Variants in EPN1 observed in about 807,000 individuals in gnomAD.
The protein encoded by EPN1 is epsin 1.
Under a neutral mutation model 56.9 loss-of-function variants are expected in EPN1, and 25 were observed. That is an observed-to-expected ratio of 0.44 (90% CI 0.32 to 0.61). The LOEUF is 0.61. EPN1 is among the 20% of genes least tolerant of loss of function. The pLI, the probability that EPN1 is intolerant of heterozygous loss-of-function variation, is 0.05. For missense variants in EPN1, 785 were observed against 823.7 expected (o/e 0.95, Z 0.58); for synonymous variants, 411 against 361.8 (o/e 1.14, Z -1.54).
chr19:55,691,466 C>T lies in EPN1; in HGVS notation c.763-288C>T, dbSNP rs1356387715. Among the ~76,000 whole-genome samples, 1 of 151,956 alleles carries T rather than the reference C, an allele frequency of 6.6e-6. No homozygotes were observed. The highest frequency in any genetic ancestry group is 1.5e-5 in the Non-Finnish European group (1 of 67,956). ...GGGAGCAGGTGGAGTTAAGGGGCTG[C>T]CCTGCTGCAGTGTGGAGAATGGATG... On this transcript the variant is annotated intron_variant, in intron 6 of 10. Coordinates refer to ENST00000270460, the MANE Select transcript of EPN1 (RefSeq NM_001130072.2). This position sits in a 1 kb window ranked among gnomAD's most constrained non-coding sequence, Gnocchi z 5.6.
chr19:55,693,114 C>A, intron 9 of EPN1, 77 bp downstream of exon 9: 2 of 1,422,186 alleles, frequency 1.4e-6, no homozygotes, highest in Non-Finnish European at 2.0e-6. Flanking sequence ...CCCTTGCTGT[C>A]TTTGTCCCAC....
Position 55,685,612 on chromosome 19 carries a change from A to C in EPN1, c.445A>C (p.Lys149Gln), listed in dbSNP as rs745468343. Residue 149 changes from lysine to glutamine, a missense_variant, in exon 3 of 11, where the codon AAG (lysine) becomes CAG (glutamine). By Grantham distance (53) the Lys-to-Gln change is moderately conservative (BLOSUM62 1). Around this residue, in one of 2 missense-constraint regions of EPN1, gnomAD observed 650 missense variants for 605.0 expected, o/e 1.07. Transcript: ENST00000270460. ...RLREERAHALKTKEKLAQTAT... is the reference protein window; with the variant it reads ...RLREERAHALQTKEKLAQTAT... ...GCGGGAAGAGCGGGCGCACGCGCTC[A>C]AGACCAAGGAAAAGCTGGCACAGAC... is the stretch of plus-strand genomic sequence containing the variant. 2 of 1,602,656 alleles carry C rather than the reference A, an allele frequency of 1.2e-6. No homozygotes were observed. The highest frequency in any genetic ancestry group is 2.2e-5 in the South Asian group (2 of 89,284).
At chr19:55,675,895 T>TA (rs1385940513) in intron 1 of EPN1, among the ~76,000 whole-genome samples, 1 of 152,142 alleles carries the variant, frequency 6.6e-6, no homozygotes, top group Non-Finnish European at 1.5e-5. Context: ...TTTGCCCCCA[T>TA]ACCTATCACC....
In EPN1 at chr19:55,703,006, A is replaced by C. The variant is rs368749894; in HGVS notation, c.*7650A>C. On this transcript the variant is annotated 3_prime_UTR_variant, in exon 11 of 11. Coordinates refer to ENST00000270460, the MANE Select transcript of EPN1 (RefSeq NM_001130072.2). ...AGTAGAGACGGGGTTTCACCGTGTT[A>C]GCCAGGATGGTCTCAATCTGACCTT... 1 of 152,098 alleles carries C rather than the reference A, an allele frequency of 6.6e-6. No individual in the cohort carries two copies. Among genetic ancestry groups the C allele is most frequent in the Non-Finnish European group, 1.5e-5 (1 of 68,000 alleles). The allele number at this position is 152,098 out of a possible 1,614,324, so 9.4% of individuals were successfully genotyped here.
At position 55,691,929 on chromosome 19, in the gene EPN1, C is replaced by T. The variant is rs775345018; in HGVS notation, c.938C>T (p.Pro313Leu). 1.3e-6 allele frequency: 2 copies of T among 1,554,310 alleles called. No homozygotes were observed. The highest frequency in any genetic ancestry group is 1.7e-6 in the Non-Finnish European group (2 of 1,151,700). ...PAADPWGGPA[P>L]TPASGDPWRP... is the part of the protein sequence containing the mutation. The stretch of plus-strand genomic sequence containing the variant: ...GCTGATCCCTGGGGAGGTCCAGCCC[C>T]CACGCCGGCCTCTGGGGACCCCTGG... The change falls in exon 7 of 11, where the codon CCC becomes CTC. Residue 313 changes from proline (P) to leucine (L), a missense_variant. Transcript: ENST00000270460. The surrounding 1 kb of genome is among the most constrained non-coding windows in gnomAD (Gnocchi z 5.6).
rs1303432870 is a variant in EPN1, at chr19:55,691,824, G to A, written c.833G>A (p.Gly278Asp). ...APAPTTDPWG[G>D]PAPMAAAVPT... The stretch of plus-strand genomic sequence containing the variant: ...GCCCCGACCACAGACCCCTGGGGGG[G>A]CCCAGCACCCATGGCTGCTGCCGTC... The change falls in exon 7 of 11, where the codon GGC (glycine) becomes GAC (aspartate). Residue 278 changes from glycine to aspartate, a missense_variant. By Grantham distance (94) the Gly-to-Asp change is moderately conservative. Transcript: ENST00000270460. The surrounding 1 kb of genome is among the most constrained non-coding windows in gnomAD (Gnocchi z 5.6). The A allele has an allele frequency of 1.2e-6, 2 of 1,609,946 alleles. No homozygotes were observed. Among genetic ancestry groups the A allele is most frequent in the African/African-American group, 1.3e-5 (1 of 74,836 alleles).
At chr19:55,677,331 A>C in intron 1 of EPN1, 1 of 749,910 alleles carries the variant, frequency 1.3e-6, no homozygotes. Flanking sequence ...CATGTAAAGC[A>C]CTTAAAACAG....
chr19:55,677,026 C>T, intron 1 of EPN1: 3 of 1,301,560 alleles, frequency 2.3e-6, no homozygotes, highest in South Asian at 1.5e-5. Context: ...TACTTTTTAA[C>T]TAGCTACATC....
At chr19:55,678,217 C>T (rs1985569542) in intron 1 of EPN1, among the ~76,000 whole-genome samples, 1 of 152,184 alleles carries the variant, frequency 6.6e-6, no homozygotes, top group Non-Finnish European at 1.5e-5. Flanking sequence ...CATGGAGCCC[C>T]ATTTGACAGA....
At chr19:55,683,790 G>T (rs1189395738) in intron 2 of EPN1, among the ~76,000 whole-genome samples, 1 of 152,240 alleles carries the variant, frequency 6.6e-6, no homozygotes, top group Non-Finnish European at 1.5e-5. Context: ...CCAAAGTCCA[G>T]AGAGCTCTGG....
rs746453723 is a variant in EPN1 at position 55,705,817 on chromosome 19, A to G, written c.*10461A>G. The G allele has an allele frequency of 8.1e-6, 1 of 123,444 alleles. No individual in the cohort carries two copies. The highest frequency in any genetic ancestry group is 1.7e-5 in the Non-Finnish European group (1 of 60,084). The allele number at this position is 123,444 out of a possible 1,614,324, so 7.6% of individuals were successfully genotyped here. A position where few individuals can be genotyped will look rare whatever the true frequency, so the allele number is the denominator to read the frequency against. ...ATATTTGTTGTTGTGGGATATATATATATATATATATTTAGAGTGTTGTGG... is the reference window on the plus strand; with the variant it reads ...ATATTTGTTGTTGTGGGATATATATGTATATATATATTTAGAGTGTTGTGG... On this transcript the variant is annotated 3_prime_UTR_variant, in exon 11 of 11. Transcript: ENST00000270460.
In EPN1 at chr19:55,706,327, A is replaced by C. The variant is rs1198312061; in HGVS notation, c.*10971A>C. ...AAGACCGTGTTTCGCTCTGTCACCC[A>C]GGCTGGAATGCAGTGGCGTACTGTT... On this transcript the variant is annotated 3_prime_UTR_variant, in exon 11 of 11. Coordinates refer to ENST00000270460, the MANE Select transcript of EPN1 (RefSeq NM_001130072.2). 1 of 132,436 alleles carries C rather than the reference A, an allele frequency of 7.6e-6. No homozygotes were observed. The highest frequency in any genetic ancestry group is 3.2e-5 in the African/African-American group (1 of 31,162). 8.2% of individuals were successfully genotyped at this position (132,436 alleles called of 1,614,324 possible).
Position 55,691,737 on chromosome 19 carries a change from TTC to T in EPN1, c.763-10_763-9del. ...CCACCACTTCTTCATGCTCCTTCTC[TTC>T]TCTCTCCCCCACAGTCGTCCCTCAT... On this transcript the variant is annotated splice_polypyrimidine_tract_variant and intron_variant, in intron 6 of 10. Transcript: ENST00000270460. The surrounding 1 kb of genome is among the most constrained non-coding windows in gnomAD (Gnocchi z 5.6). The T allele has an allele frequency of 6.2e-7, 1 of 1,605,682 alleles. No individual in the cohort carries two copies.
At position 55,707,020 on chromosome 19, in the gene EPN1, C is replaced by G. The variant is rs1987455821; in HGVS notation, c.*11664C>G. On this transcript the variant is annotated 3_prime_UTR_variant, in exon 11 of 11. Coordinates refer to ENST00000270460, the MANE Select transcript of EPN1 (RefSeq NM_001130072.2). ...CAAAACCCCATCTCTACTAAAAATACCAAAACAAAAACTAGCAGGGCATGG... is the reference window on the plus strand; with the variant it reads ...CAAAACCCCATCTCTACTAAAAATAGCAAAACAAAAACTAGCAGGGCATGG... 6.6e-6 allele frequency: 1 copy of G among 152,086 alleles called. No individual in the cohort carries two copies. The highest frequency in any genetic ancestry group is 6.5e-5 in the Admixed American group (1 of 15,268). The allele number at this position is 152,086 out of a possible 1,614,324, so 9.4% of individuals were successfully genotyped here. A position where few individuals can be genotyped will look rare whatever the true frequency, so the allele number is the denominator to read the frequency against.
intron 3 of EPN1, among the ~76,000 whole-genome samples, chr19:55,688,666 G>A (rs1242663738): frequency 6.6e-6 from 1 of 151,490 alleles, no homozygotes; most frequent in Admixed American, 6.6e-5. Flanking sequence ...CGTGGGTGGG[G>A]CTGCCTGCAT....
chr19:55,685,743 G>T (rs960439478), intron 3 of EPN1, 98 bp downstream of exon 3: 2 of 1,446,982 alleles, frequency 1.4e-6, no homozygotes, highest in South Asian at 1.3e-5. Flanking sequence ...TCCCAGCCAG[G>T]AGGGACCGCG....
At position 55,701,959 on chromosome 19, in the gene EPN1, C is replaced by CTTTTTTTTTTTTTTTTTT. The variant is rs1160028473; in HGVS notation, c.*6606_*6623dup. The CTTTTTTTTTTTTTTTTTT allele has an allele frequency of 9.0e-6, 1 of 110,848 alleles. No individual in the cohort carries two copies. Among genetic ancestry groups the CTTTTTTTTTTTTTTTTTT allele is most frequent in the African/African-American group, 4.0e-5 (1 of 24,986 alleles). The allele number at this position is 110,848 out of a possible 1,614,324, so 6.9% of individuals were successfully genotyped here. A position where few individuals can be genotyped will look rare whatever the true frequency, so the allele number is the denominator to read the frequency against. On this transcript the variant is annotated 3_prime_UTR_variant, in exon 11 of 11. Coordinates refer to ENST00000270460, the MANE Select transcript of EPN1 (RefSeq NM_001130072.2). ...AGTCTCTAGCAGCCCCCACCCCATT[C>CTTTTTTTTTTTTTTTTTT]TTTTTTTTTTTTTTTTTTTTGAGAT...
rs1193328402 is a variant in EPN1, at chr19:55,707,602, G to A, written c.*12246G>A. 6.5e-6 allele frequency: 1 copy of A among 154,486 alleles called. No homozygotes were observed. The highest frequency in any genetic ancestry group is 1.5e-5 in the Non-Finnish European group (1 of 68,246). The allele number at this position is 154,486 out of a possible 1,614,324, so 9.6% of individuals were successfully genotyped here. ...ATGTCTTTTCAGAACAATGTCCTAA[G>A]AACCATAGGGGAAGTGGCCATAAAA... is the stretch of plus-strand genomic sequence containing the variant. On this transcript the variant is annotated 3_prime_UTR_variant, in exon 11 of 11. Coordinates refer to ENST00000270460, the MANE Select transcript of EPN1 (RefSeq NM_001130072.2).
rs750980002 is a variant in EPN1, at chr19:55,708,843, G to T, written c.*13487G>T. The T allele has an allele frequency of 1.8e-6, 2 of 1,116,132 alleles. No homozygotes were observed. Among genetic ancestry groups the T allele is most frequent in the Non-Finnish European group, 2.5e-6 (2 of 798,350 alleles). The allele number at this position is 1,116,132 out of a possible 1,614,324, so 69.1% of individuals were successfully genotyped here. On this transcript the variant is annotated 3_prime_UTR_variant, in exon 11 of 11. Transcript: ENST00000270460. ...CATGATGTGCAATTACAGGATAGAG[G>T]TGCCAGGTGAAGGTCCCACTGTGGC...
Sources: gnomAD v4.1 joint callset for allele counts (sites outside exome capture counted in the v4.1 genomes callset) on GRCh38, gnomAD v4.1.1 for gene constraint, gnomAD v4.1.1 regional missense constraint, Gnocchi (gnomAD v3.1) non-coding constraint, MANE v1.5 for transcripts, NCBI Gene and HGNC (gene_info 2026-07-23, HGNC 2026-07-21) for gene names.